The following FER variants were observed in gnomAD, a reference collection of about 807,000 sequenced individuals.
The protein encoded by FER is FER tyrosine kinase.
FER carries 63 observed loss-of-function variants against 111.0 expected under a neutral mutation model. That is an observed-to-expected ratio of 0.57 (90% CI 0.46 to 0.70). FER has a LOEUF of 0.70. Among genes scored for constraint, FER ranks in the 30% least tolerant of loss-of-function variants. FER has a pLI of 0.00. For synonymous variants in FER, 327 were observed against 313.9 expected (o/e 1.04, Z -0.44); for missense variants, 914 against 954.0 (o/e 0.96, Z 0.55).
intron 13 of FER, among the ~76,000 whole-genome samples, chr5:109,030,944 C>T (rs1041076148): frequency 3.3e-5 from 5 of 152,002 alleles, no homozygotes; most frequent in African/African-American, 1.2e-4. Flanking sequence ...ACAAAGAGGC[C>T]TCTTAGGCTT....
At chr5:108,808,440 T>C (rs1000736059) in intron 3 of FER, among the ~76,000 whole-genome samples, 7 of 152,174 alleles carry the variant, frequency 4.6e-5, no homozygotes, top group Non-Finnish European at 7.3e-5. Context: ...TTTTGTTTTC[T>C]GTTTGTGTGA....
intron 17 of FER, among the ~76,000 whole-genome samples, chr5:109,101,402 T>G (rs1018163371): frequency 6.6e-6 from 1 of 151,324 alleles, no homozygotes; most frequent in Non-Finnish European, 1.5e-5. Context: ...TGTCCAGGCT[T>G]TGCTTTAACA....
intron 17 of FER, among the ~76,000 whole-genome samples, chr5:109,140,518 T>C (rs2126631830): frequency 6.6e-6 from 1 of 152,152 alleles, no homozygotes; most frequent in East Asian, 1.9e-4. Flanking sequence ...AGCTAGAAAA[T>C]GTGGCTTTTT....
chr5:109,166,341 GA>G (rs898808706), intron 17 of FER, among the ~76,000 whole-genome samples: 29 of 152,066 alleles, frequency 1.9e-4, no homozygotes, highest in African/African-American at 6.5e-4. Context: ...AGCCAAGACA[GA>G]AGACATTATT....
At chr5:108,781,754 T>C (rs1029010317) in intron 2 of FER, among the ~76,000 whole-genome samples, 3 of 152,186 alleles carry the variant, frequency 2.0e-5, no homozygotes, top group African/African-American at 7.2e-5. Flanking sequence ...TGGGCTGCAA[T>C]TGGTATTTCC....
chr5:108,920,593 G>T (rs145197969), intron 10 of FER, among the ~76,000 whole-genome samples: 2 of 152,038 alleles, frequency 1.3e-5, no homozygotes, highest in Non-Finnish European at 2.9e-5. Context: ...TCCAAATCCT[G>T]TTAGCAAGTT....
rs549878575 is a variant in FER at position 109,170,980 on chromosome 5, G to C, written c.2049-9767G>C. On this transcript the variant is annotated intron_variant, in intron 17 of 19. Transcript: ENST00000281092. Reference sequence around the variant, plus strand: ...ACCAGCTGGTGCACCATGGACCCGTGGTTCCTCCAAATTATTGCAAGTGTT... The same window carrying C: ...ACCAGCTGGTGCACCATGGACCCGTCGTTCCTCCAAATTATTGCAAGTGTT... Among the ~76,000 whole-genome samples, 268 of 152,236 alleles carry C rather than the reference G, an allele frequency of 1.8e-3. 1 individual carries two copies. Among genetic ancestry groups the C allele is most frequent in the Admixed American group, 4.8e-3 (74 of 15,290 alleles).
intron 16 of FER, among the ~76,000 whole-genome samples, chr5:109,097,214 A>G (rs970974634): frequency 6.6e-6 from 1 of 151,890 alleles, no homozygotes; most frequent in Non-Finnish European, 1.5e-5. Context: ...TTAAATGTCC[A>G]TGTCTTTTCA....
At chr5:109,091,047 T>A (rs59337218) in intron 16 of FER, among the ~76,000 whole-genome samples, 111 of 152,226 alleles carry the variant, frequency 7.3e-4, no homozygotes, top group Non-Finnish European at 1.3e-3. Context: ...TTGTCAGCCT[T>A]ACCATGTTGT....
intron 13 of FER, among the ~76,000 whole-genome samples, chr5:109,010,171 C>G (rs1766053947): frequency 6.7e-6 from 1 of 149,442 alleles, no homozygotes; most frequent in Non-Finnish European, 1.5e-5. Flanking sequence ...TCTTTTTTAT[C>G]CTTCTTTTTT....
intron 2 of FER, among the ~76,000 whole-genome samples, chr5:108,796,571 G>T (rs1477766150): frequency 6.6e-6 from 1 of 152,000 alleles, no homozygotes; most frequent in Non-Finnish European, 1.5e-5. Flanking sequence ...AGCTAAACTG[G>T]CACTCAAGCC....
intron 18 of FER, among the ~76,000 whole-genome samples, chr5:109,185,537 TAACGTAAA>T (rs1758768083): frequency 6.6e-6 from 1 of 152,134 alleles, no homozygotes; most frequent in African/African-American, 2.4e-5. Context: ...CTAGGATTGA[TAACGTAAA>T]AATGTATATC....
At chr5:109,069,214 A>C (rs1775485463) in intron 16 of FER, among the ~76,000 whole-genome samples, 1 of 152,208 alleles carries the variant, frequency 6.6e-6, no homozygotes, top group African/African-American at 2.4e-5. Flanking sequence ...ACATTTTCTA[A>C]AAGTCAGCCA....
rs1311754040 is a variant in FER at position 109,193,302 on chromosome 5, C to G, written c.*5727C>G. On this transcript the variant is annotated 3_prime_UTR_variant, in exon 20 of 20. Coordinates refer to ENST00000281092, the MANE Select transcript of FER (RefSeq NM_005246.4). Reference sequence around the variant, plus strand: ...AAGCTGAGTAATGGCACACATATGTCTAGGATAGCCAGCATTCAGGAAAAT... The same window carrying G: ...AAGCTGAGTAATGGCACACATATGTGTAGGATAGCCAGCATTCAGGAAAAT... 1 of 152,152 alleles carries G rather than the reference C, an allele frequency of 6.6e-6. No individual in the cohort carries two copies. Among genetic ancestry groups the G allele is most frequent in the Non-Finnish European group, 1.5e-5 (1 of 68,028 alleles). The allele number at this position is 152,152 out of a possible 1,614,324, so 9.4% of individuals were successfully genotyped here. A position where few individuals can be genotyped will look rare whatever the true frequency, so the allele number is the denominator to read the frequency against.
At chr5:108,998,425 T>C (rs966575268) in intron 13 of FER, among the ~76,000 whole-genome samples, 6 of 152,088 alleles carry the variant, frequency 3.9e-5, no homozygotes, top group African/African-American at 1.4e-4. Flanking sequence ...CCCTTGTGCT[T>C]CCTGGGTGAG....
intron 13 of FER, among the ~76,000 whole-genome samples, chr5:108,984,172 A>T (rs182683620): frequency 3.3e-4 from 50 of 149,312 alleles, no homozygotes; most frequent in African/African-American, 1.0e-3. Context: ...AAAGTAAAAG[A>T]TCCCTAAAAG....
intron 3 of FER, among the ~76,000 whole-genome samples, chr5:108,819,580 G>A (rs1338589682): frequency 2.0e-5 from 3 of 152,106 alleles, no homozygotes; most frequent in Admixed American, 1.3e-4. Context: ...GGCCTGCTGC[G>A]AGTGTGCAAG....
intron 13 of FER, among the ~76,000 whole-genome samples, chr5:109,023,304 A>G (rs997977436): frequency 6.6e-6 from 1 of 152,194 alleles, no homozygotes; most frequent in African/African-American, 2.4e-5. Context: ...TTACTGAAAT[A>G]GAGAATGCTA....
chr5:109,076,865 G>T (rs1776405586), intron 16 of FER, among the ~76,000 whole-genome samples: 2 of 152,168 alleles, frequency 1.3e-5, no homozygotes, highest in South Asian at 4.1e-4. Flanking sequence ...TTCAGACACT[G>T]GTAATCACTT....
Sources: gnomAD v4.1 joint callset for allele counts (sites outside exome capture counted in the v4.1 genomes callset) on GRCh38, gnomAD v4.1.1 for gene constraint, MANE v1.5 for transcripts, NCBI Gene and HGNC (gene_info 2026-07-23, HGNC 2026-07-21) for gene names.